The following ZNF469 variants were observed in gnomAD, a reference collection of about 807,000 sequenced individuals.
The protein encoded by ZNF469 is zinc finger protein 469.
ZNF469 carries 1 observed loss-of-function variant against 1.0 expected under a neutral mutation model. That is an observed-to-expected ratio of 1.00 (90% CI 0.35 to 4.73). The LOEUF (loss-of-function observed/expected upper bound fraction) is 4.73, where lower values mean the gene tolerates loss of function less well. Among genes scored for constraint, ZNF469 ranks in the 30% most tolerant of loss-of-function variants. The pLI is 0.16. For synonymous variants in ZNF469, 2,703 were observed against 2,363.4 expected (o/e 1.14, Z -4.17); for missense variants, 6,100 against 5,356.3 (o/e 1.14, Z -4.33).
chr16:88,119,812 G>A, the ZNF469 span, among the ~76,000 whole-genome samples: 1 of 152,208 alleles, frequency 6.6e-6, no homozygotes, highest in Non-Finnish European at 1.5e-5. Flanking sequence ...GGTTAACTGG[G>A]AGCGTGTCGT....
At chr16:88,184,951 AAC>A in the ZNF469 span, among the ~76,000 whole-genome samples, 12 of 152,198 alleles carry the variant, frequency 7.9e-5, no homozygotes, top group African/African-American at 2.6e-4. Flanking sequence ...CACTCATGTG[AAC>A]ACACTCATGC....
the ZNF469 span, among the ~76,000 whole-genome samples, chr16:88,297,291 T>C: frequency 1.3e-5 from 2 of 152,078 alleles, no homozygotes; most frequent in Admixed American, 6.5e-5. Context: ...TCAGGTATGA[T>C]CAAAGAGGTT....
chr16:88,104,445 C>T, the ZNF469 span, among the ~76,000 whole-genome samples: 4 of 151,960 alleles, frequency 2.6e-5, no homozygotes, highest in East Asian at 7.7e-4. Context: ...TGGACTGAAG[C>T]CCCCCAGCCT....
the ZNF469 span, among the ~76,000 whole-genome samples, chr16:88,154,455 C>T: frequency 2.0e-4 from 31 of 152,326 alleles, no homozygotes; most frequent in East Asian, 2.3e-3. Flanking sequence ...TGTGAGCCAC[C>T]GCACCCGGTC....
chr16:88,256,706 C>T, the ZNF469 span, among the ~76,000 whole-genome samples: 7 of 152,112 alleles, frequency 4.6e-5, no homozygotes, highest in African/African-American at 7.2e-5. Flanking sequence ...TCCACATCCT[C>T]GCCCAGCATT....
At chr16:88,114,700 G>A in the ZNF469 span, among the ~76,000 whole-genome samples, 1 of 152,204 alleles carries the variant, frequency 6.6e-6, no homozygotes, top group Non-Finnish European at 1.5e-5. Context: ...GTGAAGGCGG[G>A]CCTGGCCCCC....
At chr16:88,318,376 T>C in the ZNF469 span, among the ~76,000 whole-genome samples, 1 of 151,808 alleles carries the variant, frequency 6.6e-6, no homozygotes, top group Admixed American at 6.5e-5. Flanking sequence ...CTCCTCTCCA[T>C]GCTCTGTGCC....
the ZNF469 span, among the ~76,000 whole-genome samples, chr16:88,252,461 C>G: frequency 6.6e-6 from 1 of 150,524 alleles, no homozygotes; most frequent in Non-Finnish European, 1.5e-5. Context: ...CCTAACACTT[C>G]CATTTGCAGT....
intron 1 of ZNF469, among the ~76,000 whole-genome samples, chr16:88,411,491 AGCGGGCAGGG>A (rs1905163884): frequency 8.0e-5 from 1 of 12,552 alleles, no homozygotes; most frequent in Admixed American, 1.2e-3. Flanking sequence ...CAGGGGTGCG[AGCGGGCAGGG>A]GTGCAAGCAG....
chr16:88,428,405 C>T lies in ZNF469; in HGVS notation c.935C>T (p.Ala312Val). 1.9e-6 allele frequency: 3 copies of T among 1,548,164 alleles called. No homozygotes were observed. The highest frequency in any genetic ancestry group is 1.2e-5 in the South Asian group (1 of 84,068). ...TTTGCCTTCCATCAGCCCCAGGGAGCGTGGCCGGAGGAGGCCGTGGGCACG... is the reference window on the plus strand; with the variant it reads ...TTTGCCTTCCATCAGCCCCAGGGAGTGTGGCCGGAGGAGGCCGTGGGCACG... ...LVFAFHQPQG[A>V]WPEEAVGTGP... Residue 312 changes from alanine (A) to valine (V), a missense_variant, in exon 3 of 3, where the codon GCG becomes GTG. Ala to Val is a moderately conservative substitution (Grantham distance 64, BLOSUM62 0). Transcript: ENST00000565624.
the ZNF469 span, among the ~76,000 whole-genome samples, chr16:88,135,235 T>C: frequency 3.3e-4 from 51 of 152,376 alleles, 1 homozygote; most frequent in East Asian, 6.2e-3. Context: ...CCCTCCTTTA[T>C]CTCACAAGGC....
chr16:88,314,241 G>C, the ZNF469 span, among the ~76,000 whole-genome samples: 5 of 126,672 alleles, frequency 3.9e-5, no homozygotes, highest in Admixed American at 3.1e-4. Flanking sequence ...GATGATGCTG[G>C]TGTAGAATAT....
At chr16:88,162,543 T>C in the ZNF469 span, among the ~76,000 whole-genome samples, 1 of 152,226 alleles carries the variant, frequency 6.6e-6, no homozygotes, top group African/African-American at 2.4e-5. Flanking sequence ...ATTGAAATAA[T>C]TTATTTTTGA....
rs773187176 is a variant in ZNF469 at position 88,434,350 on chromosome 16, G to A, written c.6880G>A (p.Gly2294Arg). 66 of 1,550,044 alleles carry A rather than the reference G, an allele frequency of 4.3e-5. No homozygotes were observed. Among genetic ancestry groups the A allele is most frequent in the African/African-American group, 8.2e-5 (6 of 73,030 alleles). ...TACTGGCCTGTCCAGCACTCCCACC[G>A]GAGATGAGGCACAGGCAGGCAGGGG... ...RATGLSSTPT[G>R]DEAQAGRGLP... The change falls in exon 3 of 3, where the codon GGA (glycine) becomes AGA (arginine). Residue 2294 changes from glycine to arginine, a missense_variant. By Grantham distance (125) the Gly-to-Arg change is moderately radical. Coordinates refer to ENST00000565624, the MANE Select transcript of ZNF469 (RefSeq NM_001367624.2).
At chr16:88,263,194 G>C in the ZNF469 span, among the ~76,000 whole-genome samples, 1 of 152,176 alleles carries the variant, frequency 6.6e-6, no homozygotes, top group Non-Finnish European at 1.5e-5. Flanking sequence ...GTTCCCGGAC[G>C]ATACTGCGTC....
the ZNF469 span, among the ~76,000 whole-genome samples, chr16:88,327,717 G>A: frequency 6.6e-6 from 1 of 152,168 alleles, no homozygotes; most frequent in Non-Finnish European, 1.5e-5. Context: ...CACTCACTGA[G>A]CACTGACAGG....
At chr16:88,277,382 C>T in the ZNF469 span, among the ~76,000 whole-genome samples, 1 of 148,794 alleles carries the variant, frequency 6.7e-6, no homozygotes, top group African/African-American at 2.5e-5. Flanking sequence ...TAGTGCTGTG[C>T]CACGCTGACA....
chr16:88,129,228 A>G, the ZNF469 span, among the ~76,000 whole-genome samples: 1 of 152,144 alleles, frequency 6.6e-6, no homozygotes, highest in African/African-American at 2.4e-5. Flanking sequence ...AACCAAACTA[A>G]CACGAGCCTC....
At chr16:88,130,812 G>A in the ZNF469 span, among the ~76,000 whole-genome samples, 1 of 152,170 alleles carries the variant, frequency 6.6e-6, no homozygotes, top group Non-Finnish European at 1.5e-5. Context: ...ATGTTACCTC[G>A]GCTGGTCTCA....
Sources: gnomAD v4.1 joint callset for allele counts (sites outside exome capture counted in the v4.1 genomes callset) on GRCh38, gnomAD v4.1.1 for gene constraint, MANE v1.5 for transcripts, NCBI Gene and HGNC (gene_info 2026-07-23, HGNC 2026-07-21) for gene names.